Variants in CSMD1 observed in about 807,000 individuals in gnomAD.
CSMD1 encodes CUB and sushi domain-containing protein 1.
CSMD1 carries 213 observed loss-of-function variants against 417.5 expected under a neutral mutation model. The ratio of observed to expected loss-of-function variants is 0.51; its 90% CI spans 0.46 to 0.57. CSMD1 has a LOEUF of 0.57. Among genes scored for constraint, CSMD1 ranks in the 20% least tolerant of loss-of-function variants. CSMD1 has a pLI of 0.00. For missense variants in CSMD1, 6,923 were observed against 4,529.7 expected, an observed-to-expected ratio of 1.53 and a Z score of -15.17; for synonymous variants, 2,862 against 1,736.8, an observed-to-expected ratio of 1.65 and a Z score of -16.11.
At chr8:3,044,893 A>C (rs1308676342) in intron 50 of CSMD1, among the ~76,000 whole-genome samples, 1 of 152,214 alleles carries the variant, frequency 6.6e-6, no homozygotes, top group East Asian at 1.9e-4. Context: ...ATATCATACA[A>C]AGGAATGAGC....
chr8:4,451,581 G>T (rs189570602), intron 2 of CSMD1, among the ~76,000 whole-genome samples: 1 of 152,054 alleles, frequency 6.6e-6, no homozygotes, highest in Admixed American at 6.6e-5. Context: ...GACAAAGAAA[G>T]CCTTAAAAAG....
chr8:3,299,194 GT>G (rs1804194432), intron 25 of CSMD1, among the ~76,000 whole-genome samples: 1 of 152,208 alleles, frequency 6.6e-6, no homozygotes, highest in Non-Finnish European at 1.5e-5. Context: ...GCTCACGCCT[GT>G]AATCCCAGTA....
intron 1 of CSMD1, among the ~76,000 whole-genome samples, chr8:4,851,998 G>C (rs1363003069): frequency 6.6e-6 from 1 of 152,092 alleles, no homozygotes; most frequent in East Asian, 1.9e-4. Context: ...TCTCTCTCTG[G>C]ACGCTTGATC....
Position 3,142,447 on chromosome 8 carries a change from C to A in CSMD1, c.6241+18G>T. The stretch of plus-strand genomic sequence containing the variant: ...GTGTATTTAGATTTGGGTTTCGGTT[C>A]TCGTTGTTGTTCCATACCTTGGTAA... On this transcript the variant is annotated intron_variant, in intron 41 of 69. Coordinates refer to ENST00000635120, the MANE Select transcript of CSMD1 (RefSeq NM_033225.6). 6.2e-7 allele frequency: 1 copy of A among 1,601,520 alleles called. No individual in the cohort carries two copies. Among genetic ancestry groups the A allele is most frequent in the South Asian group, 1.1e-5 (1 of 90,054 alleles).
intron 25 of CSMD1, among the ~76,000 whole-genome samples, chr8:3,298,761 T>C (rs1466943756): frequency 6.6e-6 from 1 of 152,106 alleles, no homozygotes; most frequent in Non-Finnish European, 1.5e-5. Context: ...ACAATTATCT[T>C]TTACATAAAA....
intron 1 of CSMD1, among the ~76,000 whole-genome samples, chr8:4,737,598 A>G (rs1400494603): frequency 1.3e-5 from 2 of 152,206 alleles, no homozygotes; most frequent in Non-Finnish European, 2.9e-5. Flanking sequence ...CTTCATCTCT[A>G]TCTTTATACT....
At chr8:4,049,006 T>C (rs914002146) in intron 3 of CSMD1, among the ~76,000 whole-genome samples, 1 of 152,180 alleles carries the variant, frequency 6.6e-6, no homozygotes, top group African/African-American at 2.4e-5. Flanking sequence ...AGAGGTGATG[T>C]TAATGATCAC....
chr8:3,136,915 A>G (rs1308062972), intron 41 of CSMD1, among the ~76,000 whole-genome samples: 3 of 148,788 alleles, frequency 2.0e-5, no homozygotes, highest in East Asian at 1.9e-4. Context: ...ATTTTTTTCT[A>G]TGTAATACTG....
rs1205874131 is a variant in CSMD1 at position 4,152,119 on chromosome 8, G to A, written c.416-120020C>T. On this transcript the variant is annotated intron_variant, in intron 3 of 69. Transcript: ENST00000635120. The stretch of plus-strand genomic sequence containing the variant: ...TTATATGGGTAATATACAGGAAATT[G>A]TATAGAAAAATATCAACGATAATTG... Among the ~76,000 whole-genome samples the A allele has an allele frequency of 3.9e-5, 6 of 152,146 alleles. No homozygotes were observed. In the South Asian group the frequency reaches 8.3e-4, roughly 21 times the overall value.
intron 3 of CSMD1, among the ~76,000 whole-genome samples, chr8:4,119,590 C>G (rs1431412183): frequency 2.9e-4 from 1 of 3,406 alleles, no homozygotes; most frequent in African/African-American, 3.3e-4. Context: ...TAGTGTTCTT[C>G]TATCTAGGGA....
intron 1 of CSMD1, among the ~76,000 whole-genome samples, chr8:4,713,978 C>G (rs1356634551): frequency 6.6e-6 from 1 of 151,988 alleles, no homozygotes; most frequent in Non-Finnish European, 1.5e-5. Context: ...AACCCCGTCT[C>G]CACTAAAACT....
At chr8:4,133,977 G>T (rs1039536298) in intron 3 of CSMD1, among the ~76,000 whole-genome samples, 2 of 151,754 alleles carry the variant, frequency 1.3e-5, no homozygotes, top group African/African-American at 2.4e-5. Flanking sequence ...TTTAAACTTC[G>T]GTTTTCTTAT....
At position 4,157,486 on chromosome 8, in the gene CSMD1, G is replaced by C. The variant is rs529717714; in HGVS notation, c.416-125387C>G. ...TTCACTTCCTTCCTTCCTTCCTTCT[G>C]ACTAGCGGAGAAAGAGGCTCAAAGA... On this transcript the variant is annotated intron_variant, in intron 3 of 69. Transcript: ENST00000635120. Among the ~76,000 whole-genome samples the C allele has an allele frequency of 3.4e-4, 52 of 151,450 alleles. 1 individual carries two copies. The highest frequency in any genetic ancestry group is 3.4e-3 in the Middle Eastern group (1 of 294).
intron 5 of CSMD1, among the ~76,000 whole-genome samples, chr8:3,756,910 C>G (rs983320942): frequency 6.6e-6 from 1 of 152,122 alleles, no homozygotes; most frequent in African/African-American, 2.4e-5. Flanking sequence ...ATCCGCTTGC[C>G]TCAACCTCTG....
intron 2 of CSMD1, among the ~76,000 whole-genome samples, chr8:4,502,849 C>G (rs571760714): frequency 1.3e-5 from 2 of 152,164 alleles, no homozygotes; most frequent in African/African-American, 2.4e-5. Flanking sequence ...ATAGTAGGTA[C>G]TCAGTTTTTC....
intron 33 of CSMD1, among the ~76,000 whole-genome samples, chr8:3,195,450 A>G (rs750606610): frequency 6.6e-6 from 1 of 152,244 alleles, no homozygotes; most frequent in Non-Finnish European, 1.5e-5. Context: ...ATGGCATAGA[A>G]TCAATGGCCT....
At chr8:3,503,566 A>T (rs1444722732) in intron 10 of CSMD1, among the ~76,000 whole-genome samples, 1 of 152,208 alleles carries the variant, frequency 6.6e-6, no homozygotes, top group Non-Finnish European at 1.5e-5. Context: ...TATTACTGAC[A>T]TCCCCGCCCT....
chr8:4,664,553 C>A (rs553030819), intron 1 of CSMD1, among the ~76,000 whole-genome samples: 1 of 151,898 alleles, frequency 6.6e-6, no homozygotes, highest in Non-Finnish European at 1.5e-5. Context: ...ACAGCAAGAG[C>A]GTGTCTTGAA....
At chr8:4,352,914 A>AG (rs1801181880) in intron 3 of CSMD1, among the ~76,000 whole-genome samples, 2 of 152,230 alleles carry the variant, frequency 1.3e-5, no homozygotes, top group South Asian at 4.1e-4. Context: ...AGAAAGATTT[A>AG]GGCAAAATAT....
Sources: allele counts gnomAD v4.1 joint callset (sites outside exome capture counted in the v4.1 genomes callset), GRCh38; gene constraint gnomAD v4.1.1; transcripts MANE v1.5; gene names NCBI Gene and HGNC (gene_info 2026-07-23, HGNC 2026-07-21).